The following PHACTR3 variants were observed in gnomAD, a reference collection of about 807,000 sequenced individuals.
The protein encoded by PHACTR3 is phosphatase and actin regulator 3, also known as protein phosphatase 1, regulatory subunit 123.
PHACTR3 carries 16 observed loss-of-function variants against 66.8 expected under a neutral mutation model. That is an observed-to-expected ratio of 0.24 (90% CI 0.16 to 0.36). The LOEUF (loss-of-function observed/expected upper bound fraction) is 0.36, where lower values mean the gene tolerates loss of function less well. Ranked by LOEUF, PHACTR3 falls within the 10% of genes least tolerant of loss-of-function variation. The pLI is 1.00. For synonymous variants in PHACTR3, 323 were observed against 292.1 expected, an observed-to-expected ratio of 1.11 and a Z score of -1.08; for missense variants, 647 against 719.9, an observed-to-expected ratio of 0.90 and a Z score of 1.16.
intron 7 of PHACTR3, among the ~76,000 whole-genome samples, chr20:59,777,612 C>T (rs2040583171): frequency 6.6e-6 from 1 of 152,224 alleles, no homozygotes; most frequent in South Asian, 2.1e-4. Context: ...AACCTTCCTT[C>T]CTAGCTGGGA....
intron 7 of PHACTR3, among the ~76,000 whole-genome samples, chr20:59,797,053 T>C (rs1316827762): frequency 6.6e-6 from 1 of 152,212 alleles, no homozygotes; most frequent in African/African-American, 2.4e-5. Flanking sequence ...TTGCTCTCTC[T>C]CTTTTCCCCT....
At chr20:59,790,763 G>T (rs971284966) in intron 7 of PHACTR3, among the ~76,000 whole-genome samples, 6 of 152,200 alleles carry the variant, frequency 3.9e-5, no homozygotes, top group Non-Finnish European at 8.8e-5. Context: ...TTGTGTAGAA[G>T]TAGGTCTGGA....
At chr20:59,767,824 C>T (rs531061608) in intron 5 of PHACTR3, among the ~76,000 whole-genome samples, 12 of 152,256 alleles carry the variant, frequency 7.9e-5, no homozygotes, top group Admixed American at 3.3e-4. Flanking sequence ...CTTTCCATTC[C>T]ATTCCATTCC....
intron 1 of PHACTR3, among the ~76,000 whole-genome samples, chr20:59,657,403 G>A (rs1271014843): frequency 6.6e-6 from 1 of 151,880 alleles, no homozygotes; most frequent in Non-Finnish European, 1.5e-5. Context: ...TCCTTGTTTT[G>A]TGTGTGTGTA....
intron 4 of PHACTR3, among the ~76,000 whole-genome samples, chr20:59,765,777 A>G (rs2040158981): frequency 6.6e-6 from 1 of 152,172 alleles, no homozygotes; most frequent in East Asian, 1.9e-4. Context: ...GCTCTTGGGT[A>G]CCTCCAGAAA....
intron 7 of PHACTR3, among the ~76,000 whole-genome samples, chr20:59,775,578 A>G (rs1438064433): frequency 6.6e-6 from 1 of 152,008 alleles, no homozygotes; most frequent in Non-Finnish European, 1.5e-5. Context: ...GCTGCACAAC[A>G]TGAAAGGGGT....
At position 59,620,423 on chromosome 20, in the gene PHACTR3, G is replaced by A. The variant is rs185524639; in HGVS notation, c.118+15291G>A. ...CTGTGATCCACCCAGGATCCCACGT[G>A]GCACGCGGCCAGCATGTCTCCTTAG... On this transcript the variant is annotated intron_variant, in intron 1 of 12. Coordinates refer to ENST00000371015, the MANE Select transcript of PHACTR3 (RefSeq NM_080672.5). 7.9e-5 allele frequency among the ~76,000 whole-genome samples: 12 copies of A among 152,284 alleles called. No individual in the cohort carries two copies. The East Asian group carries it at 2.1e-3, about 27-fold the overall frequency.
intron 1 of PHACTR3, among the ~76,000 whole-genome samples, chr20:59,674,647 C>CCCTTCTCCTGTTCCTG (rs2036350418): frequency 1.7e-5 from 2 of 119,314 alleles, no homozygotes; most frequent in East Asian, 2.8e-4. Context: ...CTGTTCCTCT[C>CCCTTCTCCTGTTCCTG]CCTTCTCCTG....
chr20:59,779,091 G>T (rs1023717805), intron 7 of PHACTR3, among the ~76,000 whole-genome samples: 1 of 152,200 alleles, frequency 6.6e-6, no homozygotes, highest in Non-Finnish European at 1.5e-5. Flanking sequence ...GAAACTCCTT[G>T]TTGAGGGCTG....
chr20:59,624,385 G>T (rs1020524637), intron 1 of PHACTR3, among the ~76,000 whole-genome samples: 3 of 152,150 alleles, frequency 2.0e-5, no homozygotes, highest in Non-Finnish European at 2.9e-5. Flanking sequence ...CGGGGGTCTT[G>T]TCTATGCAGC....
chr20:59,727,291 GGGAATGTTCCAT>G (rs1376135159), intron 1 of PHACTR3, among the ~76,000 whole-genome samples: 1 of 152,058 alleles, frequency 6.6e-6, no homozygotes, highest in African/African-American at 2.4e-5. Context: ...TTTATGGCTG[GGGAATGTTCCAT>G]GGTCTGGATA....
At chr20:59,771,290 G>T (rs117551129) in intron 5 of PHACTR3, among the ~76,000 whole-genome samples, 10 of 152,166 alleles carry the variant, frequency 6.6e-5, no homozygotes, top group Non-Finnish European at 1.2e-4. Context: ...GGGATGCTGC[G>T]TGTCACCTGC....
intron 7 of PHACTR3, among the ~76,000 whole-genome samples, chr20:59,781,300 G>A (rs908297628): frequency 6.6e-6 from 1 of 152,188 alleles, no homozygotes; most frequent in Non-Finnish European, 1.5e-5. Flanking sequence ...CCTTTGGGTT[G>A]GTCAGGAGAA....
intron 12 of PHACTR3, among the ~76,000 whole-genome samples, chr20:59,846,519 TAAATA>T (rs1202065530): frequency 6.6e-6 from 1 of 152,184 alleles, no homozygotes; most frequent in Non-Finnish European, 1.5e-5. Context: ...CATTCTGTCT[TAAATA>T]GAATGAATAC....
rs978975256 is a variant in PHACTR3 at position 59,846,388 on chromosome 20, T to G, written c.1665-727T>G. ...AAAAATTATGCAAAGAGTTTGTTTT[T>G]TAAGGTTCCCTCCCATGACTAACAT... On this transcript the variant is annotated intron_variant, in intron 12 of 12. Transcript: ENST00000371015. 2.0e-5 allele frequency among the ~76,000 whole-genome samples: 3 copies of G among 152,286 alleles called. No individual in the cohort carries two copies. The East Asian group carries it at 5.8e-4, about 29-fold the overall frequency.
At chr20:59,781,461 C>T (rs919844640) in intron 7 of PHACTR3, among the ~76,000 whole-genome samples, 8 of 152,164 alleles carry the variant, frequency 5.3e-5, no homozygotes, top group South Asian at 2.1e-4. Context: ...GGCTGCCTTT[C>T]GGTAGCTCAC....
chr20:59,831,212 C>CAGACA (rs1158666141), intron 8 of PHACTR3, among the ~76,000 whole-genome samples: 1 of 152,188 alleles, frequency 6.6e-6, no homozygotes, highest in Non-Finnish European at 1.5e-5. Context: ...CTTGAACATA[C>CAGACA]AGACATCCTT....
chr20:59,610,773 A>G (rs537395781), intron 1 of PHACTR3, among the ~76,000 whole-genome samples: 1 of 152,274 alleles, frequency 6.6e-6, no homozygotes, highest in Admixed American at 6.5e-5. Context: ...CTGTGTCACC[A>G]GTGCTAGCAC....
chr20:59,580,399 C>G (rs2032823892), intron 1 of PHACTR3, among the ~76,000 whole-genome samples: 1 of 152,068 alleles, frequency 6.6e-6, no homozygotes, highest in Non-Finnish European at 1.5e-5. Context: ...GTGGCTACTT[C>G]CCGGAGCTTG....
Sources: allele counts gnomAD v4.1 joint callset (sites outside exome capture counted in the v4.1 genomes callset), GRCh38; gene constraint gnomAD v4.1.1; transcripts MANE v1.5; gene names NCBI Gene and HGNC (gene_info 2026-07-23, HGNC 2026-07-21).